FAT4: variants seen among roughly 807,000 people sequenced by gnomAD.
FAT4 encodes protocadherin Fat 4.
In FAT4, 84 loss-of-function variants were observed where a neutral mutation model predicts 303.9. That is an observed-to-expected ratio of 0.28 (90% confidence interval 0.23 to 0.33). FAT4 has a LOEUF of 0.33. Ranked by LOEUF, FAT4 falls within the 10% of genes least tolerant of loss-of-function variation. The pLI is 1.00. For synonymous variants in FAT4, 2,307 were observed against 2,298.8 expected (o/e 1.00, Z -0.10); for missense variants, 6,005 against 6,146.8 (o/e 0.98, Z 0.77).
chr4:125,350,946 G>A (rs1237786673), intron 2 of FAT4, among the ~76,000 whole-genome samples: 1 of 151,608 alleles, frequency 6.6e-6, no homozygotes, highest in East Asian at 1.9e-4. Context: ...AGTTTGGAAT[G>A]AAAGGACACA....
rs1730612686 is a variant in FAT4 at position 125,316,650 on chromosome 4, T to A, written c.239T>A (p.Leu80Gln). Residue 80 changes from leucine to glutamine, a missense_variant, in exon 2 of 18, where the codon CTG becomes CAG. Transcript: ENST00000394329. The surrounding 1 kb of genome is among the most constrained non-coding windows in gnomAD (Gnocchi z 5.7). Reference protein sequence around the residue: ...FTYRLSESHALFAINSSTGAL... With the variant: ...FTYRLSESHAQFAINSSTGAL... ...TACAGGCTCAGCGAAAGCCACGCCC[T>A]GTTTGCCATAAACAGTAGCACCGGA... is the stretch of plus-strand genomic sequence containing the variant. 1 of 1,613,704 alleles carries A rather than the reference T, an allele frequency of 6.2e-7. No individual in the cohort carries two copies. Among genetic ancestry groups the A allele is most frequent in the Non-Finnish European group, 8.5e-7 (1 of 1,180,028 alleles).
At chr4:125,404,520 A>G (rs1258794093) in intron 3 of FAT4, among the ~76,000 whole-genome samples, 1 of 152,142 alleles carries the variant, frequency 6.6e-6, no homozygotes, top group Non-Finnish European at 1.5e-5. Flanking sequence ...ATGAATAGTG[A>G]ATGACTGTAA....
intron 7 of FAT4, among the ~76,000 whole-genome samples, chr4:125,431,004 C>G (rs1560604740): frequency 2.0e-5 from 3 of 152,124 alleles, no homozygotes; most frequent in Non-Finnish European, 2.9e-5. Context: ...ATTTTTTACT[C>G]CCCCCAGCAT....
chr4:125,478,432 C>T (rs917526654), intron 14 of FAT4, among the ~76,000 whole-genome samples: 1 of 151,834 alleles, frequency 6.6e-6, no homozygotes, highest in African/African-American at 2.4e-5. Context: ...ATTTTGTGAA[C>T]ATCTTTTTAG....
intron 2 of FAT4, among the ~76,000 whole-genome samples, chr4:125,380,084 G>A (rs1733483701): frequency 6.6e-6 from 1 of 151,820 alleles, no homozygotes; most frequent in African/African-American, 2.4e-5. Flanking sequence ...GTAGAGACAG[G>A]GTTTCTCCAT....
rs1054333414 is a variant in FAT4, at chr4:125,481,529, C to T, written c.12613C>T (p.Pro4205Ser). 1 of 1,613,890 alleles carries T rather than the reference C, an allele frequency of 6.2e-7. No individual in the cohort carries two copies. Among genetic ancestry groups the T allele is most frequent in the Non-Finnish European group, 8.5e-7 (1 of 1,179,870 alleles). The stretch of plus-strand genomic sequence containing the variant: ...TTTCCTTTGACTTCCAGCTGTTACT[C>T]CTGACACTGCCTTATCATTAGAAGG... ...TGKYCEKSVT[P>S]DTALSLEGKG... is the part of the protein sequence containing the mutation. The change falls in exon 16 of 18, where the codon CCT (proline) becomes TCT (serine). Residue 4205 changes from proline (P) to serine (S), a missense_variant. By Grantham distance (74) the Pro-to-Ser change is moderately conservative. Transcript: ENST00000394329.
intron 7 of FAT4, among the ~76,000 whole-genome samples, chr4:125,420,007 C>T (rs1484065882): frequency 5.3e-5 from 8 of 152,116 alleles, no homozygotes; most frequent in African/African-American, 9.7e-5. Context: ...TATTCTACAG[C>T]GAGCTGTTTG....
chr4:125,452,966 G>T (rs1481659213), intron 10 of FAT4, among the ~76,000 whole-genome samples, 156 bp downstream of exon 10: 2 of 152,150 alleles, frequency 1.3e-5, no homozygotes, highest in African/African-American at 4.8e-5. Flanking sequence ...ACTGTTCTAA[G>T]CACTTTTTAT....
At chr4:125,485,590 T>C (rs1560636015) in intron 16 of FAT4, among the ~76,000 whole-genome samples, 2 of 152,156 alleles carry the variant, frequency 1.3e-5, no homozygotes, top group Non-Finnish European at 2.9e-5. Context: ...TCTCCTATGA[T>C]AACAATGCCT....
intron 9 of FAT4, among the ~76,000 whole-genome samples, chr4:125,446,795 G>C (rs1276559825): frequency 6.6e-6 from 1 of 151,742 alleles, no homozygotes; most frequent in East Asian, 1.9e-4. Context: ...AATATTACTT[G>C]AATATTATAA....
Position 125,469,095 on chromosome 4 carries a change from A to G in FAT4, c.12213+276A>G, listed in dbSNP as rs934149487. On this transcript the variant is annotated intron_variant, in intron 12 of 17. Transcript: ENST00000394329. ...TGTCAGGACTATACTTAAAATAACTACCTTTCTTTCCTAAGTATTTCTGCC... is the reference window on the plus strand; with the variant it reads ...TGTCAGGACTATACTTAAAATAACTGCCTTTCTTTCCTAAGTATTTCTGCC... 2.6e-5 allele frequency among the ~76,000 whole-genome samples: 4 copies of G among 152,234 alleles called. No homozygotes were observed. In the South Asian group the frequency reaches 6.2e-4, roughly 24 times the overall value.
In FAT4 at chr4:125,316,516, G is replaced by T; in HGVS notation, c.105G>T (p.Pro35=). The change falls in exon 2 of 18, where the codon CCG becomes CCT. Residue 35 remains proline, a synonymous_variant. Transcript: ENST00000394329. The surrounding 1 kb of genome is among the most constrained non-coding windows in gnomAD (Gnocchi z 5.7). ...LRVFWLLSLL[P]GQAWVHGAEP... ...TGTTTTGGCTACTGTCATTGCTTCC[G>T]GGGCAGGCCTGGGTCCACGGGGCCG... 1.9e-6 allele frequency: 3 copies of T among 1,613,860 alleles called. No homozygotes were observed. The highest frequency in any genetic ancestry group is 2.5e-6 in the Non-Finnish European group (3 of 1,180,030).
chr4:125,478,608 T>G (rs1312358052), intron 14 of FAT4, among the ~76,000 whole-genome samples: 1 of 152,106 alleles, frequency 6.6e-6, no homozygotes, highest in Non-Finnish European at 1.5e-5. Flanking sequence ...CTCGGCCCCC[T>G]GCAACCTCCA....
chr4:125,318,777 A>G lies in FAT4; in HGVS notation c.2366A>G (p.Asn789Ser), dbSNP rs749848585. 6.2e-7 allele frequency: 1 copy of G among 1,614,166 alleles called. No homozygotes were observed. The highest frequency in any genetic ancestry group is 8.5e-7 in the Non-Finnish European group (1 of 1,180,022). The change falls in exon 2 of 18, where the codon AAC becomes AGC. Residue 789 changes from asparagine (N) to serine (S), a missense_variant. Coordinates refer to ENST00000394329, the MANE Select transcript of FAT4 (RefSeq NM_001291303.3). ...ATCACTGTATTGGACACTCAAGACA[A>G]CCCACCTGTATTCAGTCAGGTTGCC... ...VTITVLDTQDNPPVFSQVAYS... is the reference protein window; with the variant it reads ...VTITVLDTQDSPPVFSQVAYS...
At chr4:125,484,484 A>G (rs1250101433) in intron 16 of FAT4, among the ~76,000 whole-genome samples, 1 of 152,156 alleles carries the variant, frequency 6.6e-6, no homozygotes. Context: ...TAAGTGGGCA[A>G]CATAGGTGAT....
intron 2 of FAT4, among the ~76,000 whole-genome samples, chr4:125,331,555 T>C (rs1317672856): frequency 6.6e-6 from 1 of 152,198 alleles, no homozygotes; most frequent in Non-Finnish European, 1.5e-5. Context: ...GGACCACTAA[T>C]GCTATAGATG....
rs151243899 is a variant in FAT4 at position 125,400,544 on chromosome 4, G to A, written c.5307+1629G>A. Among the ~76,000 whole-genome samples, 363 of 152,012 alleles carry A rather than the reference G, an allele frequency of 2.4e-3. 4 individuals carry two copies. The highest frequency in any genetic ancestry group is 8.1e-3 in the Admixed American group (123 of 15,226). On this transcript the variant is annotated intron_variant, in intron 3 of 17. Transcript: ENST00000394329. Reference sequence around the variant, plus strand: ...CCATCTGACTTCCGTGTGTGTGTTTGTGTATGTGTGCACACACTTGCATTG... The same window carrying A: ...CCATCTGACTTCCGTGTGTGTGTTTATGTATGTGTGCACACACTTGCATTG...
intron 2 of FAT4, among the ~76,000 whole-genome samples, chr4:125,329,940 G>A (rs1436244980): frequency 6.6e-6 from 1 of 152,112 alleles, no homozygotes; most frequent in Non-Finnish European, 1.5e-5. Context: ...ATTTCAATAT[G>A]ATCATTTCAT....
chr4:125,346,154 C>T (rs371753964), intron 2 of FAT4, among the ~76,000 whole-genome samples: 5 of 152,062 alleles, frequency 3.3e-5, no homozygotes, highest in East Asian at 3.9e-4. Context: ...TCTATGGTCA[C>T]GGTAGAGCAA....
Sources: allele counts gnomAD v4.1 joint callset (sites outside exome capture counted in the v4.1 genomes callset), GRCh38; gene constraint gnomAD v4.1.1; non-coding constraint Gnocchi (gnomAD v3.1); transcripts MANE v1.5; gene names NCBI Gene and HGNC (gene_info 2026-07-23, HGNC 2026-07-21).